LINGO2: variants seen among roughly 807,000 people sequenced by gnomAD.
The protein encoded by LINGO2 is leucine rich repeat and Ig domain containing 2.
LINGO2 carries 14 observed loss-of-function variants against 30.6 expected under a neutral mutation model. The ratio of observed to expected loss-of-function variants is 0.46; its 90% CI spans 0.30 to 0.72. LINGO2 has a LOEUF of 0.72. Among genes scored for constraint, LINGO2 ranks in the 30% least tolerant of loss-of-function variants. The pLI is 0.07. For synonymous variants in LINGO2, 317 were observed against 288.5 expected, an observed-to-expected ratio of 1.10 and a Z score of -1.00; for missense variants, 729 against 751.7, an observed-to-expected ratio of 0.97 and a Z score of 0.35.
intron 1 of LINGO2, among the ~76,000 whole-genome samples, chr9:28,564,260 A>G (rs1823251050): frequency 6.6e-6 from 1 of 152,174 alleles, no homozygotes; most frequent in African/African-American, 2.4e-5. Context: ...CACTTTCAAA[A>G]TGTAATCAAT....
At chr9:28,079,907 A>G (rs1288438835) in intron 4 of LINGO2, among the ~76,000 whole-genome samples, 2 of 152,236 alleles carry the variant, frequency 1.3e-5, no homozygotes, top group East Asian at 3.8e-4. Context: ...ATTATGCGAC[A>G]TCTCAGTAAA....
intron 2 of LINGO2, among the ~76,000 whole-genome samples, chr9:28,416,993 A>T (rs1348925743): frequency 6.6e-6 from 1 of 152,186 alleles, no homozygotes; most frequent in Non-Finnish European, 1.5e-5. Flanking sequence ...GAAATACACA[A>T]TTTATTGCAA....
the LINGO2 span, among the ~76,000 whole-genome samples, chr9:28,736,205 C>T: frequency 6.6e-6 from 1 of 152,090 alleles, no homozygotes; most frequent in Admixed American, 6.6e-5. Context: ...TAGCTTAGAG[C>T]TGAGGAAAGC....
chr9:28,894,915 T>C, the LINGO2 span, among the ~76,000 whole-genome samples: 26 of 152,256 alleles, frequency 1.7e-4, no homozygotes, highest in African/African-American at 6.3e-4. Context: ...CAGTTATTAA[T>C]TATAGTCATC....
intron 3 of LINGO2, among the ~76,000 whole-genome samples, chr9:28,364,675 T>C (rs2134528101): frequency 6.6e-6 from 1 of 152,380 alleles, no homozygotes; most frequent in East Asian, 1.9e-4. Flanking sequence ...TAGACAGTTA[T>C]GTTTTCAACG....
chr9:28,072,045 T>G (rs184104143), intron 4 of LINGO2, among the ~76,000 whole-genome samples: 234 of 152,284 alleles, frequency 1.5e-3, no homozygotes, highest in Admixed American at 4.8e-3. Flanking sequence ...ATCTTCATCC[T>G]CCTTCTACAT....
intron 4 of LINGO2, among the ~76,000 whole-genome samples, chr9:28,042,821 ATGT>A (rs760612221): frequency 5.3e-5 from 8 of 152,252 alleles, no homozygotes; most frequent in African/African-American, 1.2e-4. Context: ...CCTTTAACAA[ATGT>A]TATTATACAA....
chr9:28,263,539 A>G (rs2134055720), intron 4 of LINGO2, among the ~76,000 whole-genome samples: 1 of 152,126 alleles, frequency 6.6e-6, no homozygotes, highest in African/African-American at 2.4e-5. Flanking sequence ...CTAAAATAAT[A>G]TCACTTTCTA....
intron 3 of LINGO2, among the ~76,000 whole-genome samples, chr9:28,356,546 T>C (rs1820217100): frequency 6.6e-6 from 1 of 152,272 alleles, no homozygotes; most frequent in Admixed American, 6.5e-5. Flanking sequence ...CACTGTACCA[T>C]GTAGCTGTTT....
the LINGO2 span, chr9:27,939,986 C>G: frequency 6.6e-6 from 1 of 152,176 alleles, no homozygotes; most frequent in African/African-American, 2.4e-5. Context: ...GAGGTATCCT[C>G]TCTAGCAGTC....
Position 28,148,082 on chromosome 9 carries a change from G to C in LINGO2, c.-86-135677C>G, listed in dbSNP as rs1827867022. ...TCGTCTTGTCCATGAGGCCTTCCCA[G>C]CTGGCCGGGCTAACCCCGCGGCTCC... On this transcript the variant is annotated intron_variant, in intron 4 of 5. Coordinates refer to ENST00000379992, the Ensembl canonical transcript of LINGO2. The surrounding 1 kb of genome is among the most constrained non-coding windows in gnomAD (Gnocchi z 5.1). The C allele has an allele frequency of 1.1e-5, 12 of 1,099,478 alleles. No homozygotes were observed. The South Asian group carries it at 2.8e-4, about 25-fold the overall frequency. The allele number at this position is 1,099,478 out of a possible 1,614,324, so 68.1% of individuals were successfully genotyped here.
intron 4 of LINGO2, among the ~76,000 whole-genome samples, chr9:28,058,418 A>T (rs942670620): frequency 1.3e-5 from 2 of 152,166 alleles, no homozygotes; most frequent in African/African-American, 4.8e-5. Context: ...TACACAAGAG[A>T]GTGAGTGCTA....
At chr9:28,982,968 C>T in the LINGO2 span, among the ~76,000 whole-genome samples, 1 of 151,582 alleles carries the variant, frequency 6.6e-6, no homozygotes, top group Admixed American at 6.6e-5. Flanking sequence ...ACTGACAATT[C>T]ATTTGGTTGT....
At chr9:28,229,485 G>T (rs1420005434) in intron 4 of LINGO2, among the ~76,000 whole-genome samples, 4 of 151,648 alleles carry the variant, frequency 2.6e-5, no homozygotes, top group Non-Finnish European at 5.9e-5. Context: ...AGAGGAGGAG[G>T]AAGGAAAGGT....
At chr9:28,612,200 T>C (rs888663305) in intron 1 of LINGO2, among the ~76,000 whole-genome samples, 1 of 152,140 alleles carries the variant, frequency 6.6e-6, no homozygotes, top group African/African-American at 2.4e-5. Context: ...TAGCTGAGAC[T>C]ACAGGCTTGT....
chr9:28,092,112 T>A (rs1434605795), intron 4 of LINGO2, among the ~76,000 whole-genome samples: 1 of 152,164 alleles, frequency 6.6e-6, no homozygotes, highest in Non-Finnish European at 1.5e-5. Context: ...TGTAAACTGG[T>A]TCAACCACTG....
At chr9:28,881,885 A>T in the LINGO2 span, among the ~76,000 whole-genome samples, 1 of 152,232 alleles carries the variant, frequency 6.6e-6, no homozygotes, top group Non-Finnish European at 1.5e-5. Flanking sequence ...GCTTCCGCTT[A>T]TAAGCGAGAA....
the LINGO2 span, among the ~76,000 whole-genome samples, chr9:28,845,781 G>A: frequency 1.3e-5 from 2 of 150,182 alleles, no homozygotes; most frequent in Admixed American, 6.6e-5. Context: ...TCTTTCAATT[G>A]GTATAAAAAA....
intron 3 of LINGO2, among the ~76,000 whole-genome samples, chr9:28,335,524 G>T (rs1408470592): frequency 2.6e-5 from 4 of 152,138 alleles, no homozygotes; most frequent in African/African-American, 7.2e-5. Flanking sequence ...AGGAAGATGG[G>T]CTTATCCAGA....
Sources: gnomAD v4.1 joint callset for allele counts (sites outside exome capture counted in the v4.1 genomes callset) on GRCh38, gnomAD v4.1.1 for gene constraint, Gnocchi (gnomAD v3.1) non-coding constraint, MANE v1.5 for transcripts, NCBI Gene and HGNC (gene_info 2026-07-23, HGNC 2026-07-21) for gene names.